The following SLCO3A1 variants were observed in gnomAD, a reference collection of about 807,000 sequenced individuals.
The protein encoded by SLCO3A1 is PGE1 transporter.
Under a neutral mutation model 63.1 loss-of-function variants are expected in SLCO3A1, and 27 were observed. The ratio of observed to expected loss-of-function variants is 0.43; its 90% confidence interval spans 0.32 to 0.59. SLCO3A1 has a LOEUF of 0.59. SLCO3A1 is among the 20% of genes least tolerant of loss of function. The probability of loss-of-function intolerance (pLI) is 0.09; values close to 1 mark genes in which losing one functional copy is unlikely to be tolerated. For synonymous variants in SLCO3A1, 473 were observed against 409.9 expected, an observed-to-expected ratio of 1.15 and a Z score of -1.86; for missense variants, 773 against 945.8, an observed-to-expected ratio of 0.82 and a Z score of 2.40.
intron 2 of SLCO3A1, among the ~76,000 whole-genome samples, chr15:92,044,213 C>G (rs1488125024): frequency 6.6e-6 from 1 of 152,128 alleles, no homozygotes; most frequent in Non-Finnish European, 1.5e-5. Flanking sequence ...TCTGGCTTCC[C>G]TCCTATCTCA....
rs546079977 is a variant in SLCO3A1 at position 91,968,931 on chromosome 15, C to T, written c.646+52473C>T. Among the ~76,000 whole-genome samples the T allele has an allele frequency of 1.3e-5, 2 of 152,314 alleles. No individual in the cohort carries two copies. The highest frequency in any genetic ancestry group is 2.1e-4 in the South Asian group (1 of 4,824). ...AAACTCGTGTTGCTCCATGTAGAGT[C>T]AGCTCAGAGGTCCCTTCCTCTCAGA... is the stretch of plus-strand genomic sequence containing the variant. On this transcript the variant is annotated intron_variant, in intron 2 of 9. Coordinates refer to ENST00000318445, the MANE Select transcript of SLCO3A1 (RefSeq NM_013272.4). The surrounding 1 kb of genome is among the most constrained non-coding windows in gnomAD (Gnocchi z 4.2).
intron 2 of SLCO3A1, among the ~76,000 whole-genome samples, chr15:92,020,961 A>C (rs1879968405): frequency 6.6e-6 from 1 of 152,312 alleles, no homozygotes; most frequent in Non-Finnish European, 1.5e-5. Flanking sequence ...GTGTGATCTC[A>C]TGTAAGTTGC....
chr15:92,112,202 A>G (rs1454906249), intron 4 of SLCO3A1, among the ~76,000 whole-genome samples: 2 of 152,208 alleles, frequency 1.3e-5, no homozygotes, highest in African/African-American at 4.8e-5. Flanking sequence ...GAGCAGAGAC[A>G]CATGGACAGG....
chr15:91,946,155 C>T (rs1002883120), intron 2 of SLCO3A1, among the ~76,000 whole-genome samples: 7 of 152,166 alleles, frequency 4.6e-5, no homozygotes, highest in Non-Finnish European at 8.8e-5. Context: ...GTTCTGTGGA[C>T]GCTGAGAGCA....
intron 2 of SLCO3A1, among the ~76,000 whole-genome samples, chr15:91,919,187 C>T (rs750693631): frequency 6.6e-5 from 10 of 152,204 alleles, no homozygotes; most frequent in Non-Finnish European, 1.2e-4. Context: ...TCCACTACAA[C>T]CCAGGGCAAA....
At position 91,894,743 on chromosome 15, in the gene SLCO3A1, G is replaced by A. The variant is rs1285498092; in HGVS notation, c.181-21250G>A. 2.0e-5 allele frequency among the ~76,000 whole-genome samples: 3 copies of A among 152,184 alleles called. No homozygotes were observed. On this transcript the variant is annotated intron_variant, in intron 1 of 9. Transcript: ENST00000318445. This position sits in a 1 kb window ranked among gnomAD's most constrained non-coding sequence, Gnocchi z 4.8. ...TTTTTGAATTTCTAAAAGGCTCTCT[G>A]GTGATGTCAGCTACTCCTGCTGGAG... is the stretch of plus-strand genomic sequence containing the variant.
intron 2 of SLCO3A1, among the ~76,000 whole-genome samples, chr15:91,966,992 A>ATT (rs879943866): frequency 6.8e-6 from 1 of 147,176 alleles, no homozygotes; most frequent in African/African-American, 2.5e-5. Flanking sequence ...TTTTTTGGGG[A>ATT]TTTTTTTTTT....
chr15:92,050,492 A>G (rs2046944024), intron 2 of SLCO3A1, among the ~76,000 whole-genome samples: 2 of 152,204 alleles, frequency 1.3e-5, no homozygotes, highest in African/African-American at 4.8e-5. Flanking sequence ...CTCTCTGGGA[A>G]TGCACACTGG....
At chr15:92,061,773 C>T (rs2151506735) in intron 2 of SLCO3A1, among the ~76,000 whole-genome samples, 1 of 152,194 alleles carries the variant, frequency 6.6e-6, no homozygotes, top group South Asian at 2.1e-4. Flanking sequence ...GCCGGGTTGT[C>T]CTCCTAGGCA....
chr15:92,076,271 G>T (rs6496890), intron 2 of SLCO3A1, among the ~76,000 whole-genome samples: 113,626 of 152,006 alleles, frequency 0.75, 42,936 homozygotes, highest in Admixed American at 0.86. Context: ...CATCGGTTGC[G>T]TGCAGCTGGT....
chr15:92,171,944 C>A, exon 11 of SLCO3A1: 1 of 1,023,442 alleles, frequency 9.8e-7, no homozygotes, highest in Non-Finnish European at 1.5e-6. Flanking sequence ...GCGCGCTCCT[C>A]CCTGTCCGAG....
intron 1 of SLCO3A1, among the ~76,000 whole-genome samples, chr15:91,909,947 T>C (rs1162140241): frequency 3.9e-5 from 6 of 152,174 alleles, no homozygotes; most frequent in Non-Finnish European, 1.5e-5. Flanking sequence ...CCGTCTCTCC[T>C]CCCTGATACC....
At chr15:91,988,454 AT>A (rs2046083132) in intron 2 of SLCO3A1, among the ~76,000 whole-genome samples, 2 of 152,334 alleles carry the variant, frequency 1.3e-5, no homozygotes, top group South Asian at 4.1e-4. Flanking sequence ...ATGTTATTTT[AT>A]TTTATTTAAA....
chr15:92,104,593 G>A (rs567318089), intron 4 of SLCO3A1, 51 bp downstream of exon 4: 2 of 1,572,442 alleles, frequency 1.3e-6, no homozygotes, highest in African/African-American at 1.3e-5. Flanking sequence ...GGATTGGGAT[G>A]GGGGTGATGA....
rs988592542 is a variant in SLCO3A1 at position 92,094,794 on chromosome 15, T to C, written c.647-87T>C. Reference sequence around the variant, plus strand: ...TCCTAATGTCATCTCATCTCATCAATGTAAAATAATCTCCTTGACCTTTGG... The same window carrying C: ...TCCTAATGTCATCTCATCTCATCAACGTAAAATAATCTCCTTGACCTTTGG... On this transcript the variant is annotated intron_variant, in intron 2 of 9. Transcript: ENST00000318445. 3 of 818,398 alleles carry C rather than the reference T, an allele frequency of 3.7e-6. No homozygotes were observed. The African/African-American group carries it at 5.1e-5, about 14-fold the overall frequency. The allele number at this position is 818,398 out of a possible 1,614,324, so 50.7% of individuals were successfully genotyped here.
intron 7 of SLCO3A1, among the ~76,000 whole-genome samples, chr15:92,143,276 T>C (rs776731381): frequency 2.3e-5 from 3 of 131,852 alleles, no homozygotes; most frequent in Admixed American, 9.0e-5. Context: ...TGGTTGCAAG[T>C]AGTTTGAACT....
chr15:92,086,598 C>T (rs950646025), intron 2 of SLCO3A1, among the ~76,000 whole-genome samples: 3 of 152,170 alleles, frequency 2.0e-5, no homozygotes, highest in Admixed American at 6.5e-5. Flanking sequence ...TCTGATAAAT[C>T]AGCTTCACTC....
At position 92,072,536 on chromosome 15, in the gene SLCO3A1, C is replaced by A. The variant is rs1318859438; in HGVS notation, c.647-22345C>A. ...ACTATGCAACAACTTTACGCAAAAA[C>A]TGTATTTTTGTCCACAAACTTGGTG... On this transcript the variant is annotated intron_variant, in intron 2 of 9. Transcript: ENST00000318445. Among the ~76,000 whole-genome samples the A allele has an allele frequency of 3.3e-5, 5 of 152,180 alleles. No individual in the cohort carries two copies. The East Asian group carries it at 9.6e-4, about 29-fold the overall frequency.
intron 3 of SLCO3A1, among the ~76,000 whole-genome samples, chr15:92,103,019 G>T (rs952001798): frequency 3.9e-5 from 6 of 152,204 alleles, no homozygotes; most frequent in African/African-American, 1.4e-4. Flanking sequence ...TTAAGAATGT[G>T]CTCTGCATAA....
Sources: allele counts gnomAD v4.1 joint callset (sites outside exome capture counted in the v4.1 genomes callset), GRCh38; gene constraint gnomAD v4.1.1; non-coding constraint Gnocchi (gnomAD v3.1); transcripts MANE v1.5; gene names NCBI Gene and HGNC (gene_info 2026-07-23, HGNC 2026-07-21).